The following SPIDR variants were observed in gnomAD, a reference collection of about 807,000 sequenced individuals.
SPIDR encodes scaffold protein involved in DNA repair.
In SPIDR, 93 loss-of-function variants were observed where a neutral mutation model predicts 104.6. The ratio of observed to expected loss-of-function variants is 0.89; its 90% CI spans 0.75 to 1.06. The LOEUF (loss-of-function observed/expected upper bound fraction) is 1.06, where lower values mean the gene tolerates loss of function less well. Ranked by LOEUF, SPIDR falls within the 50% of genes least tolerant of loss-of-function variation. The probability of loss-of-function intolerance (pLI) is 0.00; values close to 1 mark genes in which losing one functional copy is unlikely to be tolerated. For missense variants in SPIDR, 1,154 were observed against 1,111.2 expected (o/e 1.04, Z -0.55); for synonymous variants, 431 against 416.9 (o/e 1.03, Z -0.41).
intron 15 of SPIDR, chr8:47,713,271 AC>A: frequency 1.5e-6 from 1 of 651,310 alleles, no homozygotes; most frequent in Non-Finnish European, 2.6e-6. Flanking sequence ...CACATAATTT[AC>A]CCTGTGTGGA....
intron 5 of SPIDR, among the ~76,000 whole-genome samples, chr8:47,300,838 T>TA (rs1554576803): frequency 2.6e-5 from 4 of 152,222 alleles, no homozygotes; most frequent in Admixed American, 6.5e-5. Context: ...TCTGTTCTTT[T>TA]ACATATGCTG....
intron 5 of SPIDR, among the ~76,000 whole-genome samples, chr8:47,369,030 A>G (rs1563762326): frequency 6.6e-6 from 1 of 152,224 alleles, no homozygotes; most frequent in Non-Finnish European, 1.5e-5. Context: ...AGAACGAACA[A>G]ACTTTAGAAG....
At chr8:47,531,866 AAG>A (rs1371010188) in intron 8 of SPIDR, among the ~76,000 whole-genome samples, 1 of 152,214 alleles carries the variant, frequency 6.6e-6, no homozygotes, top group African/African-American at 2.4e-5. Flanking sequence ...TTATTACATT[AAG>A]AGAAGAAAAA....
intron 11 of SPIDR, among the ~76,000 whole-genome samples, chr8:47,685,323 C>A (rs2077611941): frequency 6.6e-6 from 1 of 151,978 alleles, no homozygotes; most frequent in African/African-American, 2.4e-5. Context: ...ATTTACCTTG[C>A]AGCACAGTAA....
At chr8:47,502,060 G>T (rs964761767) in intron 8 of SPIDR, among the ~76,000 whole-genome samples, 1 of 151,908 alleles carries the variant, frequency 6.6e-6, no homozygotes, top group Non-Finnish European at 1.5e-5. Flanking sequence ...ATTTTATTGA[G>T]GATTCTGTCG....
chr8:47,417,895 T>G (rs924102104), intron 7 of SPIDR, among the ~76,000 whole-genome samples: 5 of 152,136 alleles, frequency 3.3e-5, no homozygotes, highest in Admixed American at 1.3e-4. Context: ...TTTCCCCATT[T>G]CTTGTTTTTG....
intron 10 of SPIDR, among the ~76,000 whole-genome samples, chr8:47,605,468 A>G (rs2062819151): frequency 6.6e-6 from 1 of 152,210 alleles, no homozygotes; most frequent in African/African-American, 2.4e-5. Flanking sequence ...ACAATGTCCA[A>G]ATTTACATAG....
chr8:47,666,312 A>G (rs2074925856), intron 10 of SPIDR, among the ~76,000 whole-genome samples: 1 of 152,214 alleles, frequency 6.6e-6, no homozygotes, highest in Non-Finnish European at 1.5e-5. Context: ...CATTTATTCC[A>G]TCCTTGCAGA....
In SPIDR at chr8:47,646,551, A is replaced by C. The variant is rs546388785; in HGVS notation, c.1545-27250A>C. 3.9e-5 allele frequency among the ~76,000 whole-genome samples: 6 copies of C among 152,388 alleles called. No homozygotes were observed. In the East Asian group the frequency reaches 1.2e-3, roughly 29 times the overall value. On this transcript the variant is annotated intron_variant, in intron 10 of 19. Transcript: ENST00000297423. ...AAATTAAAAATTATGGCACGTGCTC[A>C]TAGTAGAATACTATGCAGCTCTCTA...
chr8:47,396,338 G>C (rs556111257), intron 5 of SPIDR, 38 bp from the exon 6 acceptor site: 6 of 1,490,478 alleles, frequency 4.0e-6, no homozygotes, highest in African/African-American at 2.8e-5. Context: ...AGTATCCTTT[G>C]TATTTAAAAA....
intron 5 of SPIDR, among the ~76,000 whole-genome samples, chr8:47,300,256 T>A (rs1586585640): frequency 1.3e-5 from 2 of 152,348 alleles, no homozygotes; most frequent in African/African-American, 4.8e-5. Flanking sequence ...TTTATAGTAT[T>A]CTCTGATGGT....
chr8:47,649,974 C>T (rs187583001), intron 10 of SPIDR, among the ~76,000 whole-genome samples: 45 of 152,192 alleles, frequency 3.0e-4, no homozygotes, highest in African/African-American at 1.1e-3. Flanking sequence ...TAATAAAAAC[C>T]GTATATGACG....
chr8:47,386,702 A>G (rs1554648412), intron 5 of SPIDR, among the ~76,000 whole-genome samples: 4 of 152,182 alleles, frequency 2.6e-5, no homozygotes, highest in Admixed American at 2.6e-4. Flanking sequence ...TTTTTCATTC[A>G]GTTGTGAGAA....
At chr8:47,548,587 G>A (rs1291271372) in intron 8 of SPIDR, among the ~76,000 whole-genome samples, 1 of 152,194 alleles carries the variant, frequency 6.6e-6, no homozygotes, top group Non-Finnish European at 1.5e-5. Context: ...GGCTGAAGTT[G>A]CAGTCAGCTG....
At chr8:47,514,180 A>G (rs2082775619) in intron 8 of SPIDR, among the ~76,000 whole-genome samples, 1 of 152,192 alleles carries the variant, frequency 6.6e-6, no homozygotes, top group Non-Finnish European at 1.5e-5. Context: ...TGTGTCCTGT[A>G]TATTTTACAT....
intron 8 of SPIDR, among the ~76,000 whole-genome samples, chr8:47,479,116 T>G (rs1368070642): frequency 6.6e-6 from 1 of 152,116 alleles, no homozygotes; most frequent in East Asian, 1.9e-4. Context: ...ATTCCAACAC[T>G]GAGAGACTGA....
At chr8:47,581,131 C>G (rs2059653776) in intron 8 of SPIDR, among the ~76,000 whole-genome samples, 1 of 152,192 alleles carries the variant, frequency 6.6e-6, no homozygotes, top group South Asian at 2.1e-4. Context: ...AGTCCATCTT[C>G]TGTCTCCCGT....
intron 16 of SPIDR, among the ~76,000 whole-genome samples, chr8:47,722,947 T>G (rs1205643989): frequency 6.6e-6 from 1 of 152,162 alleles, no homozygotes; most frequent in African/African-American, 2.4e-5. Context: ...AAAGCAATAC[T>G]CCCACGTCAG....
At chr8:47,393,731 TCCTTC>T (rs1331135165) in intron 5 of SPIDR, among the ~76,000 whole-genome samples, 22 of 135,416 alleles carry the variant, frequency 1.6e-4, no homozygotes, top group African/African-American at 5.3e-4. Context: ...TCCTTTCCTT[TCCTTC>T]CTTTCATTCT....
Sources: allele counts gnomAD v4.1 joint callset (sites outside exome capture counted in the v4.1 genomes callset), GRCh38; gene constraint gnomAD v4.1.1; transcripts MANE v1.5; gene names NCBI Gene and HGNC (gene_info 2026-07-23, HGNC 2026-07-21).